KALRN: variants seen among roughly 807,000 people sequenced by gnomAD.
KALRN encodes the protein kalirin.
Under a neutral mutation model 353.7 loss-of-function variants are expected in KALRN, and 70 were observed. The ratio of observed to expected loss-of-function variants is 0.20; its 90% CI spans 0.16 to 0.24. KALRN has a LOEUF of 0.24. Among genes scored for constraint, KALRN ranks in the 10% least tolerant of loss-of-function variants. The pLI is 1.00. For synonymous variants in KALRN, 1,391 were observed against 1,434.8 expected (o/e 0.97, Z 0.69); for missense variants, 2,791 against 3,756.7 (o/e 0.74, Z 6.72).
At chr3:124,689,324 C>T (rs1388994519) in intron 51 of KALRN, among the ~76,000 whole-genome samples, 1 of 152,156 alleles carries the variant, frequency 6.6e-6, no homozygotes, top group Admixed American at 6.5e-5. Flanking sequence ...AGGCAATCCT[C>T]CCACCTCAGC....
Position 124,443,858 on chromosome 3 carries a change from C to T in KALRN, c.3313+1799C>T, listed in dbSNP as rs145962808. ...TCAGTCACACCATAGAGGGAGGGAG[C>T]TTCAATGAGCAAAACTCTGGCTAGG... On this transcript the variant is annotated intron_variant, in intron 19 of 59. Transcript: ENST00000682506. Among the ~76,000 whole-genome samples the T allele has an allele frequency of 3.6e-4, 55 of 152,254 alleles. 1 individual carries two copies. The East Asian group carries it at 0.01, about 29-fold the overall frequency.
chr3:124,697,588 C>T lies in KALRN; in HGVS notation c.7700-5C>T, dbSNP rs1413331726. ...AGCACCTGATCCTGATTTCTGTCTCCATAGGTGTTCCAGCAGCCCCTAACC... is the reference window on the plus strand; with the variant it reads ...AGCACCTGATCCTGATTTCTGTCTCTATAGGTGTTCCAGCAGCCCCTAACC... On this transcript the variant is annotated splice_polypyrimidine_tract_variant and splice_region_variant and intron_variant, in intron 54 of 59. Transcript: ENST00000682506. 1 of 1,598,740 alleles carries T rather than the reference C, an allele frequency of 6.3e-7. No individual in the cohort carries two copies. The highest frequency in any genetic ancestry group is 8.5e-7 in the Non-Finnish European group (1 of 1,174,820).
chr3:124,181,022 G>A (rs922742472), intron 1 of KALRN, among the ~76,000 whole-genome samples: 1 of 144,848 alleles, frequency 6.9e-6, no homozygotes, highest in Non-Finnish European at 1.5e-5. Context: ...CTTGAGCTCA[G>A]GAGCTTGAGA....
chr3:124,366,013 AT>A (rs947718209), intron 10 of KALRN, among the ~76,000 whole-genome samples: 5 of 152,164 alleles, frequency 3.3e-5, no homozygotes, highest in African/African-American at 1.2e-4. Context: ...AGGGAGAATA[AT>A]TTCTAGGACT....
chr3:124,311,385 C>T (rs1269632714), intron 6 of KALRN, among the ~76,000 whole-genome samples: 1 of 151,554 alleles, frequency 6.6e-6, no homozygotes, highest in Non-Finnish European at 1.5e-5. Context: ...ATCGCTTGAA[C>T]TCAGGAGGCA....
intron 21 of KALRN, among the ~76,000 whole-genome samples, chr3:124,449,606 A>T (rs1410692216): frequency 1.3e-5 from 2 of 152,208 alleles, no homozygotes; most frequent in African/African-American, 4.8e-5. Flanking sequence ...TTTTTACTAT[A>T]TTCACAAAGT....
chr3:124,393,985 G>T (rs1220585083), intron 11 of KALRN, among the ~76,000 whole-genome samples: 1 of 152,092 alleles, frequency 6.6e-6, no homozygotes, highest in African/African-American at 2.4e-5. Context: ...GAACCAACTC[G>T]ATGAAATAAT....
At chr3:124,338,603 G>A (rs2081367769) in intron 9 of KALRN, among the ~76,000 whole-genome samples, 1 of 152,198 alleles carries the variant, frequency 6.6e-6, no homozygotes, top group African/African-American at 2.4e-5. Context: ...TGAGAAGAAT[G>A]TATATTCTGT....
chr3:124,543,462 C>A (rs1173355894), intron 33 of KALRN, among the ~76,000 whole-genome samples: 5 of 152,006 alleles, frequency 3.3e-5, no homozygotes, highest in Non-Finnish European at 5.9e-5. Flanking sequence ...TCACCACGCC[C>A]AGCTAATTTT....
intron 13 of KALRN, 130 bp downstream of exon 13, chr3:124,399,001 A>G: frequency 1.1e-6 from 1 of 884,012 alleles, no homozygotes; most frequent in Non-Finnish European, 1.7e-6. Flanking sequence ...GAACCCAAGA[A>G]ATTCCCAGTC....
intron 13 of KALRN, among the ~76,000 whole-genome samples, chr3:124,401,163 G>T (rs1196217294): frequency 1.3e-5 from 2 of 152,190 alleles, no homozygotes; most frequent in Non-Finnish European, 2.9e-5. Flanking sequence ...TAAATCACAT[G>T]CATTAAAATT....
Position 124,625,981 on chromosome 3 carries a change from T to C in KALRN, c.5183-6439T>C, listed in dbSNP as rs144145622. On this transcript the variant is annotated intron_variant, in intron 34 of 59. Coordinates refer to ENST00000682506, the MANE Select transcript of KALRN (RefSeq NM_001388419.1). ...CTGTAATCCCAGCTACACCAGAGGT[T>C]GAGGCAGGAGAATCATTTGAACTTG... Among the ~76,000 whole-genome samples the C allele has an allele frequency of 2.5e-3, 388 of 152,162 alleles. 1 individual carries two copies. Among genetic ancestry groups the C allele is most frequent in the African/African-American group, 8.9e-3 (371 of 41,486 alleles).
chr3:124,376,580 A>G (rs1476319258), intron 10 of KALRN, among the ~76,000 whole-genome samples: 1 of 152,052 alleles, frequency 6.6e-6, no homozygotes, highest in African/African-American at 2.4e-5. Flanking sequence ...TTTCTATATC[A>G]CCCTCCTTAA....
At chr3:124,511,029 G>C (rs1440146941) in intron 33 of KALRN, among the ~76,000 whole-genome samples, 1 of 151,978 alleles carries the variant, frequency 6.6e-6, no homozygotes, top group Non-Finnish European at 1.5e-5. Context: ...AAAACAGGCT[G>C]GTTTTCATAT....
intron 1 of KALRN, among the ~76,000 whole-genome samples, chr3:124,081,912 TC>T (rs2060562080): frequency 6.6e-6 from 1 of 152,250 alleles, no homozygotes; most frequent in Non-Finnish European, 1.5e-5. Context: ...TAAAGGACTT[TC>T]CCTGAGTCAC....
intron 45 of KALRN, among the ~76,000 whole-genome samples, chr3:124,665,902 A>C (rs2085547370): frequency 6.6e-6 from 1 of 152,212 alleles, no homozygotes; most frequent in Non-Finnish European, 1.5e-5. Context: ...TCTCCATCCT[A>C]AAATAATTGA....
At chr3:124,355,709 CTTTTTTTTT>C (rs3055894) in intron 10 of KALRN, among the ~76,000 whole-genome samples, 3 of 97,412 alleles carry the variant, frequency 3.1e-5, no homozygotes, top group African/African-American at 4.0e-5. Context: ...TCTCTCCCAT[CTTTTTTTTT>C]TTTTTTTTTT....
chr3:124,360,116 G>A (rs1432933506), intron 10 of KALRN, among the ~76,000 whole-genome samples: 1 of 152,264 alleles, frequency 6.6e-6, no homozygotes, highest in Non-Finnish European at 1.5e-5. Context: ...GACCCAAGGT[G>A]GAGGCTGGAC....
rs560091609 is a variant in KALRN, at chr3:124,287,199, C to T, written c.970-11592C>T. 9.2e-5 allele frequency among the ~76,000 whole-genome samples: 14 copies of T among 152,242 alleles called. No homozygotes were observed. The South Asian group carries it at 2.9e-3, about 32-fold the overall frequency. On this transcript the variant is annotated intron_variant, in intron 5 of 59. Coordinates refer to ENST00000682506, the MANE Select transcript of KALRN (RefSeq NM_001388419.1). ...GTTTGAATTAGAACTCCCAGCATTT[C>T]CCCAGCACTGTGTGACCTCTAAAAT...
Sources: gnomAD v4.1 joint callset for allele counts (sites outside exome capture counted in the v4.1 genomes callset) on GRCh38, gnomAD v4.1.1 for gene constraint, MANE v1.5 for transcripts, NCBI Gene and HGNC (gene_info 2026-07-23, HGNC 2026-07-21) for gene names.